The following CRTC3 variants were observed in gnomAD, a reference collection of about 807,000 sequenced individuals.
CRTC3 encodes CREB regulated transcription coactivator 3, also known as CREB-regulated transcription coactivator 3.
A neutral mutation model predicts 74.5 loss-of-function variants in CRTC3; 26 were observed. That is an observed-to-expected ratio of 0.35 (90% confidence interval 0.26 to 0.48). CRTC3 has a LOEUF of 0.48. Ranked by LOEUF, CRTC3 falls within the 20% of genes least tolerant of loss-of-function variation. CRTC3 has a pLI of 0.99. For missense variants in CRTC3, 760 were observed against 787.3 expected, an observed-to-expected ratio of 0.97 and a Z score of 0.41; for synonymous variants, 377 against 325.8, an observed-to-expected ratio of 1.16 and a Z score of -1.69.
intron 1 of CRTC3, among the ~76,000 whole-genome samples, chr15:90,536,322 G>C (rs1966718262): frequency 6.6e-6 from 1 of 151,924 alleles, no homozygotes; most frequent in Admixed American, 6.6e-5. Context: ...GATAGCTTGA[G>C]CCCAGGAATT....
chr15:90,611,057 A>G (rs1032054581), intron 6 of CRTC3, among the ~76,000 whole-genome samples: 8 of 152,152 alleles, frequency 5.3e-5, no homozygotes, highest in African/African-American at 1.9e-4. Flanking sequence ...ACCTTGAAAG[A>G]TGTAAGCCTG....
intron 4 of CRTC3, among the ~76,000 whole-genome samples, chr15:90,603,191 C>T (rs918372529): frequency 6.6e-6 from 1 of 152,016 alleles, no homozygotes; most frequent in Non-Finnish European, 1.5e-5. Context: ...TGCCTGTAAT[C>T]CCAGCACTTT....
rs767791265 is a variant in CRTC3 at position 90,629,249 on chromosome 15, G to A, written c.983G>A (p.Arg328Gln). 48 of 1,612,600 alleles carry A rather than the reference G, an allele frequency of 3.0e-5. No homozygotes were observed. The highest frequency in any genetic ancestry group is 9.9e-5 in the South Asian group (9 of 91,058). ...IRSSSGLQSS[R>Q]SNPSIQATLN... ...TGTCTTCCAGGTCTCCAGAGTTCTC[G>A]GAGTAACCCCTCCATCCAAGCCACG... is the stretch of plus-strand genomic sequence containing the variant. The change falls in exon 11 of 15, where the codon CGG becomes CAG. Residue 328 changes from arginine to glutamine, a missense_variant. By Grantham distance (43) the Arg-to-Gln change is conservative (BLOSUM62 1). Coordinates refer to ENST00000268184, the MANE Select transcript of CRTC3 (RefSeq NM_022769.5).
intron 2 of CRTC3, among the ~76,000 whole-genome samples, chr15:90,564,836 G>A (rs1441180706): frequency 6.6e-6 from 1 of 152,178 alleles, no homozygotes; most frequent in Non-Finnish European, 1.5e-5. Flanking sequence ...ATGGACTCAA[G>A]AGTAAGGCAG....
In CRTC3 at chr15:90,643,793, G is replaced by A. The variant is rs1270663332; in HGVS notation, c.*1653G>A. The A allele has an allele frequency of 8.6e-6, 2 of 232,918 alleles. No individual in the cohort carries two copies. Among genetic ancestry groups the A allele is most frequent in the African/African-American group, 4.4e-5 (2 of 45,246 alleles). The allele number at this position is 232,918 out of a possible 1,614,324, so 14.4% of individuals were successfully genotyped here. On this transcript the variant is annotated 3_prime_UTR_variant, in exon 15 of 15. Transcript: ENST00000268184. Reference sequence around the variant, plus strand: ...GGAGAACCCTGAAGGAGAGACGGAAGATGCCAGGACCTTTGCTTGGACAGC... The same window carrying A: ...GGAGAACCCTGAAGGAGAGACGGAAAATGCCAGGACCTTTGCTTGGACAGC...
intron 11 of CRTC3, among the ~76,000 whole-genome samples, chr15:90,630,514 G>A (rs921797720): frequency 1.5e-4 from 23 of 152,078 alleles, no homozygotes; most frequent in African/African-American, 4.1e-4. Context: ...ACTCCAGAGC[G>A]GAGGTGGGAG....
chr15:90,542,181 AT>A (rs59433275), intron 2 of CRTC3, among the ~76,000 whole-genome samples: 36,382 of 139,440 alleles, frequency 0.26, 4,426 homozygotes, highest in East Asian at 0.45. Context: ...AGTCCACTTA[AT>A]TTTTTTTTTT....
intron 2 of CRTC3, among the ~76,000 whole-genome samples, chr15:90,577,310 G>C (rs1394642231): frequency 6.6e-6 from 1 of 152,210 alleles, no homozygotes; most frequent in Non-Finnish European, 1.5e-5. Context: ...TGAGGACCAA[G>C]TAATACTGAG....
In CRTC3 at chr15:90,644,045, A is replaced by T. The variant is rs1179333881; in HGVS notation, c.*1905A>T. ...AATAACCCTCATGGGGTGCCCCTCC[A>T]CCTTCCTCTGGAATCCAAGTATTCC... is the stretch of plus-strand genomic sequence containing the variant. On this transcript the variant is annotated 3_prime_UTR_variant, in exon 15 of 15. Transcript: ENST00000268184. The T allele has an allele frequency of 8.6e-6, 2 of 231,288 alleles. No individual in the cohort carries two copies. Among genetic ancestry groups the T allele is most frequent in the Non-Finnish European group, 1.7e-5 (2 of 117,048 alleles). The allele number at this position is 231,288 out of a possible 1,614,324, so 14.3% of individuals were successfully genotyped here. A position where few individuals can be genotyped will look rare whatever the true frequency, so the allele number is the denominator to read the frequency against.
intron 2 of CRTC3, among the ~76,000 whole-genome samples, chr15:90,576,378 G>T (rs901281545): frequency 6.6e-6 from 1 of 152,044 alleles, no homozygotes; most frequent in African/African-American, 2.4e-5. Context: ...TTAGGCCGTC[G>T]AGTGGCGCCA....
At chr15:90,604,273 C>CT in intron 4 of CRTC3, 112 bp from the exon 5 acceptor site, 1 of 785,100 alleles carries the variant, frequency 1.3e-6, no homozygotes, top group Non-Finnish European at 2.3e-6. Flanking sequence ...TTAAGTAACT[C>CT]TTGCAGAGCG....
chr15:90,552,652 T>A (rs1966862816), intron 2 of CRTC3, among the ~76,000 whole-genome samples: 1 of 152,214 alleles, frequency 6.6e-6, no homozygotes, highest in Non-Finnish European at 1.5e-5. Flanking sequence ...TTTGGGCATT[T>A]CCTCAACTAT....
chr15:90,644,858 A>C lies in CRTC3; in HGVS notation c.*2718A>C, dbSNP rs1441926234. 1 of 232,300 alleles carries C rather than the reference A, an allele frequency of 4.3e-6. No individual in the cohort carries two copies. Among genetic ancestry groups the C allele is most frequent in the East Asian group, 6.1e-5 (1 of 16,470 alleles). The allele number at this position is 232,300 out of a possible 1,614,324, so 14.4% of individuals were successfully genotyped here. A position where few individuals can be genotyped will look rare whatever the true frequency, so the allele number is the denominator to read the frequency against. On this transcript the variant is annotated 3_prime_UTR_variant, in exon 15 of 15. Coordinates refer to ENST00000268184, the MANE Select transcript of CRTC3 (RefSeq NM_022769.5). ...TATTTAGTTTTGTCACAAGAAATCG[A>C]CCATTGTACTACTCTCACTTACAGC...
intron 2 of CRTC3, among the ~76,000 whole-genome samples, chr15:90,550,405 C>T (rs1357171809): frequency 2.0e-5 from 3 of 148,268 alleles, no homozygotes; most frequent in African/African-American, 7.5e-5. Context: ...AGTGAAACTC[C>T]GTCTCAAAAA....
rs1969547781 is a variant in CRTC3, at chr15:90,644,171, T to G, written c.*2031T>G. On this transcript the variant is annotated 3_prime_UTR_variant, in exon 15 of 15. Coordinates refer to ENST00000268184, the MANE Select transcript of CRTC3 (RefSeq NM_022769.5). ...TCAGGAAGGGCCTGCTGGCCTGCCC[T>G]GTTCCCAGTTACACTTTCAGATCCC... is the stretch of plus-strand genomic sequence containing the variant. 4.4e-6 allele frequency: 1 copy of G among 227,856 alleles called. No homozygotes were observed. The highest frequency in any genetic ancestry group is 2.2e-5 in the African/African-American group (1 of 45,056). 14.1% of individuals were successfully genotyped at this position (227,856 alleles called of 1,614,324 possible).
chr15:90,549,686 T>C (rs967759231), intron 2 of CRTC3, among the ~76,000 whole-genome samples: 2 of 143,820 alleles, frequency 1.4e-5, no homozygotes, highest in Non-Finnish European at 3.0e-5. Context: ...TATTCACTTA[T>C]TTTATTTTAT....
chr15:90,575,671 C>A (rs937071830), intron 2 of CRTC3, among the ~76,000 whole-genome samples: 1 of 152,060 alleles, frequency 6.6e-6, no homozygotes, highest in African/African-American at 2.4e-5. Context: ...TATTAATCTG[C>A]GTGTCTATTC....
intron 1 of CRTC3, among the ~76,000 whole-genome samples, chr15:90,536,709 A>G (rs1258112866): frequency 6.6e-6 from 1 of 152,192 alleles, no homozygotes; most frequent in Non-Finnish European, 1.5e-5. Flanking sequence ...CTGTAGGCCA[A>G]AGGTCACTAA....
At chr15:90,568,978 C>A (rs1051784442) in intron 2 of CRTC3, among the ~76,000 whole-genome samples, 3 of 143,146 alleles carry the variant, frequency 2.1e-5, no homozygotes. Flanking sequence ...ATGGTGTAAA[C>A]AAGTATAACG....
Sources: gnomAD v4.1 joint callset for allele counts (sites outside exome capture counted in the v4.1 genomes callset) on GRCh38, gnomAD v4.1.1 for gene constraint, MANE v1.5 for transcripts, NCBI Gene and HGNC (gene_info 2026-07-23, HGNC 2026-07-21) for gene names.